Variants in NETO2 observed in about 807,000 individuals in gnomAD.
NETO2 encodes the protein neuropilin and tolloid like 2, also known as neuropilin and tolloid-like protein 2.
NETO2 carries 28 observed loss-of-function variants against 62.5 expected under a neutral mutation model. The ratio of observed to expected loss-of-function variants is 0.45; its 90% CI spans 0.33 to 0.61. NETO2 has a LOEUF of 0.61. NETO2 is among the 20% of genes least tolerant of loss of function. The pLI, the probability that NETO2 is intolerant of heterozygous loss-of-function variation, is 0.02. For synonymous variants in NETO2, 214 were observed against 219.1 expected, an observed-to-expected ratio of 0.98 and a Z score of 0.21; for missense variants, 548 against 643.2, an observed-to-expected ratio of 0.85 and a Z score of 1.60.
intron 1 of NETO2, among the ~76,000 whole-genome samples, chr16:47,137,569 A>G (rs1340000061): frequency 1.3e-5 from 2 of 152,176 alleles, no homozygotes; most frequent in African/African-American, 4.8e-5. Flanking sequence ...CTATTCTTAT[A>G]AGGGCTCCAA....
intron 6 of NETO2, among the ~76,000 whole-genome samples, chr16:47,116,158 T>TC (rs1361594665): frequency 1.3e-5 from 2 of 148,940 alleles, no homozygotes; most frequent in Non-Finnish European, 3.0e-5. Context: ...TTTTTTTTTT[T>TC]CTAAGAGACA....
At chr16:47,119,781 T>G (rs2151484209) in intron 6 of NETO2, among the ~76,000 whole-genome samples, 1 of 152,314 alleles carries the variant, frequency 6.6e-6, no homozygotes, top group South Asian at 2.1e-4. Context: ...AAGTAGTATA[T>G]TATTATATTT....
intron 2 of NETO2, among the ~76,000 whole-genome samples, chr16:47,129,903 A>C (rs1428943689): frequency 6.6e-6 from 1 of 152,240 alleles, no homozygotes; most frequent in African/African-American, 2.4e-5. Context: ...AGCAGTAACA[A>C]CTGGCAGTAC....
chr16:47,105,995 T>C (rs1232161668), intron 7 of NETO2, among the ~76,000 whole-genome samples: 2 of 152,064 alleles, frequency 1.3e-5, no homozygotes, highest in African/African-American at 2.4e-5. Context: ...AGCTCAAAGG[T>C]AGAAACAATC....
intron 1 of NETO2, 138 bp from the exon 2 acceptor site, chr16:47,132,163 T>G (rs1002831434): frequency 2.0e-5 from 13 of 657,132 alleles, no homozygotes; most frequent in Non-Finnish European, 3.4e-5. Flanking sequence ...TCAAGATCTT[T>G]AAGCATTAAA....
intron 7 of NETO2, among the ~76,000 whole-genome samples, chr16:47,094,067 G>C (rs1339058862): frequency 6.6e-6 from 1 of 152,132 alleles, no homozygotes; most frequent in Non-Finnish European, 1.5e-5. Flanking sequence ...TCATACAGGA[G>C]ATGAATCTGA....
intron 7 of NETO2, among the ~76,000 whole-genome samples, chr16:47,104,218 T>C (rs190845403): frequency 2.8e-4 from 42 of 152,146 alleles, no homozygotes; most frequent in African/African-American, 8.0e-4. Flanking sequence ...CACAAATCCG[T>C]TGCATTTCTA....
chr16:47,098,941 T>C (rs1322648777), intron 7 of NETO2, among the ~76,000 whole-genome samples: 1 of 152,146 alleles, frequency 6.6e-6, no homozygotes, highest in African/African-American at 2.4e-5. Flanking sequence ...CTGCAACCTC[T>C]GCCTCCTGGG....
chr16:47,137,529 A>T (rs1471269959), intron 1 of NETO2, among the ~76,000 whole-genome samples: 1 of 152,172 alleles, frequency 6.6e-6, no homozygotes, highest in African/African-American at 2.4e-5. Context: ...GATTTTGGAA[A>T]CGTTGAACTT....
intron 7 of NETO2, among the ~76,000 whole-genome samples, chr16:47,097,320 G>A (rs560154096): frequency 1.3e-5 from 2 of 152,304 alleles, no homozygotes; most frequent in Admixed American, 6.5e-5. Flanking sequence ...GACCTGGGAC[G>A]CTTGAGCTTG....
chr16:47,143,443 G>A, intron 1 of NETO2, 136 bp downstream of exon 1: 1 of 1,080,866 alleles, frequency 9.3e-7, no homozygotes, highest in Non-Finnish European at 1.2e-6. Context: ...TCCGCTCCGA[G>A]TAGCCGCGAG....
At chr16:47,133,503 G>A (rs990957863) in intron 1 of NETO2, among the ~76,000 whole-genome samples, 3 of 151,996 alleles carry the variant, frequency 2.0e-5, no homozygotes, top group Non-Finnish European at 2.9e-5. Flanking sequence ...AGGCTGCAGT[G>A]AGCCATGATC....
At chr16:47,083,895 A>G in intron 8 of NETO2, 94 bp from the exon 9 acceptor site, 1 of 899,956 alleles carries the variant, frequency 1.1e-6, no homozygotes, top group Non-Finnish European at 1.7e-6. Context: ...AAAACAGAAT[A>G]CTTGGGCCAA....
chr16:47,124,371 A>C (rs1345823393), intron 4 of NETO2, among the ~76,000 whole-genome samples: 1 of 152,146 alleles, frequency 6.6e-6, no homozygotes, highest in Non-Finnish European at 1.5e-5. Context: ...AAATGTCCAT[A>C]ATTATCTCAG....
chr16:47,085,962 C>T (rs1358707813), intron 8 of NETO2, among the ~76,000 whole-genome samples: 3 of 151,730 alleles, frequency 2.0e-5, no homozygotes, highest in Non-Finnish European at 2.9e-5. Context: ...AAAAATTAGC[C>T]GGGCGTGGTG....
At chr16:47,097,014 G>A (rs1334461868) in intron 7 of NETO2, among the ~76,000 whole-genome samples, 1 of 152,208 alleles carries the variant, frequency 6.6e-6, no homozygotes, top group Non-Finnish European at 1.5e-5. Context: ...TTTTCCCATG[G>A]TCTTCACAAC....
At chr16:47,140,983 T>A (rs941128353) in intron 1 of NETO2, among the ~76,000 whole-genome samples, 2 of 152,226 alleles carry the variant, frequency 1.3e-5, no homozygotes, top group Non-Finnish European at 2.9e-5. Flanking sequence ...TAATGCTTAG[T>A]TAACCTTGAC....
chr16:47,087,607 T>C (rs1963222540), intron 7 of NETO2, among the ~76,000 whole-genome samples: 1 of 152,216 alleles, frequency 6.6e-6, no homozygotes, highest in Non-Finnish European at 1.5e-5. Context: ...TTTTGTTATG[T>C]ATATTTTACC....
At chr16:47,141,782 T>C (rs1325061505) in intron 1 of NETO2, among the ~76,000 whole-genome samples, 4 of 152,350 alleles carry the variant, frequency 2.6e-5, no homozygotes, top group South Asian at 4.1e-4. Context: ...AGACACTATA[T>C]TGTTTTCACC....
Sources: gnomAD v4.1 joint callset for allele counts (sites outside exome capture counted in the v4.1 genomes callset) on GRCh38, gnomAD v4.1.1 for gene constraint, MANE v1.5 for transcripts, NCBI Gene and HGNC (gene_info 2026-07-23, HGNC 2026-07-21) for gene names.